ACOXL: variants seen among roughly 807,000 people sequenced by gnomAD.
ACOXL encodes the protein acyl-coenzyme A oxidase-like protein.
In ACOXL, 70 loss-of-function variants were observed where a neutral mutation model predicts 71.9. The observed-to-expected ratio is 0.97, with a 90% confidence interval of 0.80 to 1.19. The LOEUF (loss-of-function observed/expected upper bound fraction) is 1.19, where lower values mean the gene tolerates loss of function less well. Ranked by LOEUF, ACOXL falls within the 50% of genes most tolerant of loss-of-function variation. The pLI is 0.00. For synonymous variants in ACOXL, 253 were observed against 281.6 expected (o/e 0.90, Z 1.02); for missense variants, 703 against 736.3 (o/e 0.95, Z 0.52).
intron 10 of ACOXL, among the ~76,000 whole-genome samples, chr2:110,896,390 A>C (rs1479486093): frequency 6.6e-6 from 1 of 152,190 alleles, no homozygotes; most frequent in Non-Finnish European, 1.5e-5. Context: ...CAATAATTAC[A>C]TTAAATGTAA....
At chr2:110,936,003 G>C (rs1285788032) in intron 12 of ACOXL, among the ~76,000 whole-genome samples, 1 of 152,082 alleles carries the variant, frequency 6.6e-6, no homozygotes, top group African/African-American at 2.4e-5. Context: ...ATCTAATGGT[G>C]CTGCTGAACT....
intron 12 of ACOXL, among the ~76,000 whole-genome samples, chr2:110,945,971 A>G (rs1172373195): frequency 1.3e-5 from 2 of 152,128 alleles, no homozygotes; most frequent in Admixed American, 6.5e-5. Flanking sequence ...AATTCTTTCA[A>G]TCCATTAGCA....
At chr2:110,986,919 G>T (rs577399217) in intron 12 of ACOXL, among the ~76,000 whole-genome samples, 189 bp from the exon 13 acceptor site, 2 of 152,230 alleles carry the variant, frequency 1.3e-5, no homozygotes, top group Admixed American at 6.5e-5. Flanking sequence ...AGGGGAGGAT[G>T]GGGGATGGTG....
intron 9 of ACOXL, among the ~76,000 whole-genome samples, chr2:110,809,487 C>G (rs1169002149): frequency 1.3e-5 from 2 of 152,208 alleles, no homozygotes; most frequent in African/African-American, 2.4e-5. Context: ...TACAGCGTGC[C>G]ACATATGAGA....
intron 17 of ACOXL, among the ~76,000 whole-genome samples, chr2:111,111,538 A>C (rs1452685754): frequency 6.6e-6 from 1 of 152,212 alleles, no homozygotes; most frequent in Non-Finnish European, 1.5e-5. Context: ...CTTTAATCCC[A>C]TTGCCAAAAC....
At chr2:110,800,043 A>AG (rs1685775255) in intron 7 of ACOXL, among the ~76,000 whole-genome samples, 1 of 152,204 alleles carries the variant, frequency 6.6e-6, no homozygotes, top group Non-Finnish European at 1.5e-5. Flanking sequence ...GGAACATGGG[A>AG]GGGGACAAAT....
intron 10 of ACOXL, among the ~76,000 whole-genome samples, chr2:110,894,131 A>G (rs899425412): frequency 6.6e-6 from 1 of 152,202 alleles, no homozygotes; most frequent in African/African-American, 2.4e-5. Flanking sequence ...TTCCAGGAAA[A>G]TGTAGTGGGT....
At position 110,801,668 on chromosome 2, in the gene ACOXL, C is replaced by G; in HGVS notation, c.564C>G (p.Asp188Glu). ...MMYKEGLHGVDNGILIFDKVR... is the reference protein window; with the variant it reads ...MMYKEGLHGVENGILIFDKVR... ...TCTTGCCAGGTCTGCATGGTGTGGACAATGGGATATTAATATTTGACAAGG... is the reference window on the plus strand; with the variant it reads ...TCTTGCCAGGTCTGCATGGTGTGGAGAATGGGATATTAATATTTGACAAGG... The change falls in exon 8 of 18, where the codon GAC becomes GAG. Residue 188 changes from aspartate to glutamate, a missense_variant. Physicochemically the swap from Asp to Glu is conservative, Grantham distance 45. Transcript: ENST00000439055. The G allele has an allele frequency of 6.2e-7, 1 of 1,614,122 alleles. No individual in the cohort carries two copies. The highest frequency in any genetic ancestry group is 8.5e-7 in the Non-Finnish European group (1 of 1,179,968).
intron 11 of ACOXL, among the ~76,000 whole-genome samples, chr2:110,929,785 A>G (rs911137477): frequency 5.3e-5 from 8 of 152,194 alleles, no homozygotes; most frequent in African/African-American, 1.9e-4. Context: ...GGGCCATGGT[A>G]TAGCTGGAGG....
rs1194198141 is a variant in ACOXL at position 110,987,707 on chromosome 2, T to C, written c.1169+490T>C. Among the ~76,000 whole-genome samples, 4 of 152,214 alleles carry C rather than the reference T, an allele frequency of 2.6e-5. No individual in the cohort carries two copies. The East Asian group carries it at 7.7e-4, about 29-fold the overall frequency. On this transcript the variant is annotated intron_variant, in intron 13 of 17. Transcript: ENST00000439055. The stretch of plus-strand genomic sequence containing the variant: ...TATATGTAACATTTTGTAACTTTGT[T>C]TTCCCTCAATATTTTGTTTCTTAGA...
intron 9 of ACOXL, among the ~76,000 whole-genome samples, chr2:110,823,025 G>T (rs1289865472): frequency 1.3e-5 from 2 of 152,130 alleles, no homozygotes; most frequent in Non-Finnish European, 2.9e-5. Flanking sequence ...GGCCGAAGCA[G>T]GTGGATCACC....
rs529173724 is a variant in ACOXL at position 111,111,075 on chromosome 2, G to A, written c.1543-6541G>A. On this transcript the variant is annotated intron_variant, in intron 17 of 17. Coordinates refer to ENST00000439055, the MANE Select transcript of ACOXL (RefSeq NM_001142807.4). ...TTGTACTTACAAAACTAAACTATCA[G>A]TTGATTAAGTTTTTTTAATTTATTT... 3.9e-4 allele frequency among the ~76,000 whole-genome samples: 59 copies of A among 152,140 alleles called. 1 individual carries two copies. Among genetic ancestry groups the A allele is most frequent in the African/African-American group, 1.3e-3 (53 of 41,528 alleles).
chr2:110,814,564 C>G (rs1345671064), intron 9 of ACOXL, among the ~76,000 whole-genome samples: 12 of 152,048 alleles, frequency 7.9e-5, no homozygotes, highest in African/African-American at 2.7e-4. Context: ...TTTGCCACCA[C>G]AAAACCCTTA....
At chr2:111,111,831 A>G (rs955318207) in intron 17 of ACOXL, among the ~76,000 whole-genome samples, 3 of 152,190 alleles carry the variant, frequency 2.0e-5, no homozygotes, top group Non-Finnish European at 4.4e-5. Context: ...CGCCAAGTTT[A>G]CTAAATCCTT....
intron 16 of ACOXL, among the ~76,000 whole-genome samples, chr2:111,088,354 T>C (rs2068331991): frequency 6.6e-6 from 1 of 152,224 alleles, no homozygotes. Context: ...CTGTGTTCAC[T>C]GCAGCACCAT....
chr2:110,868,621 C>T (rs1379241270), intron 10 of ACOXL, among the ~76,000 whole-genome samples: 3 of 151,996 alleles, frequency 2.0e-5, no homozygotes. Context: ...CAGTGCCTCA[C>T]TCTGTTTCCC....
intron 16 of ACOXL, among the ~76,000 whole-genome samples, chr2:111,062,869 CAAAG>C (rs1385069102): frequency 2.0e-5 from 3 of 151,984 alleles, no homozygotes; most frequent in South Asian, 4.1e-4. Context: ...AACAACGAAA[CAAAG>C]AGCTAGATCT....
chr2:110,828,816 ATT>A (rs201819401), intron 9 of ACOXL, among the ~76,000 whole-genome samples: 1 of 145,284 alleles, frequency 6.9e-6, no homozygotes, highest in African/African-American at 2.5e-5. Context: ...CTATCTTGCT[ATT>A]TTTTTTTTTT....
rs2061024820 is a variant in ACOXL, at chr2:110,944,561, A to G, written c.1059+10919A>G. Among the ~76,000 whole-genome samples, 3 of 152,006 alleles carry G rather than the reference A, an allele frequency of 2.0e-5. No individual in the cohort carries two copies. The South Asian group carries it at 6.2e-4, about 31-fold the overall frequency. ...CCCTTCTTTGTGTCTGTGCGTACTC[A>G]ATGTTTAGCTCCCACTTATGAGTGA... is the stretch of plus-strand genomic sequence containing the variant. On this transcript the variant is annotated intron_variant, in intron 12 of 17. Transcript: ENST00000439055.
Sources: allele counts gnomAD v4.1 joint callset (sites outside exome capture counted in the v4.1 genomes callset), GRCh38; gene constraint gnomAD v4.1.1; transcripts MANE v1.5; gene names NCBI Gene and HGNC (gene_info 2026-07-23, HGNC 2026-07-21).